ADD2: variants seen among roughly 807,000 people sequenced by gnomAD.
The protein encoded by ADD2 is adducin 2.
ADD2 carries 23 observed loss-of-function variants against 83.0 expected under a neutral mutation model. The ratio of observed to expected loss-of-function variants is 0.28; its 90% CI spans 0.20 to 0.39. The LOEUF is 0.39. ADD2 is among the 10% of genes least tolerant of loss of function. The pLI, the probability that ADD2 is intolerant of heterozygous loss-of-function variation, is 1.00. For synonymous variants in ADD2, 375 were observed against 375.4 expected (o/e 1.00, Z 0.01); for missense variants, 758 against 944.9 (o/e 0.80, Z 2.59).
intron 1 of ADD2, among the ~76,000 whole-genome samples, chr2:70,748,761 T>C (rs1019711896): frequency 1.3e-5 from 2 of 152,234 alleles, no homozygotes; most frequent in African/African-American, 2.4e-5. Context: ...ATGTGGCAGC[T>C]ATATGTCCAA....
Position 70,768,029 on chromosome 2 carries a change from C to A in ADD2, c.-297G>T. On this transcript the variant is annotated 5_prime_UTR_variant, in exon 1 of 16. Transcript: ENST00000264436. Reference sequence around the variant, plus strand: ...TTTTCTGCCCATGCTGCAGCCCGCGCTCGTCAGAGCTGCTGGGAGATCCCC... The same window carrying A: ...TTTTCTGCCCATGCTGCAGCCCGCGATCGTCAGAGCTGCTGGGAGATCCCC... 6.7e-7 allele frequency: 1 copy of A among 1,483,118 alleles called. No homozygotes were observed. Among genetic ancestry groups the A allele is most frequent in the South Asian group, 1.3e-5 (1 of 77,934 alleles). The allele number at this position is 1,483,118 out of a possible 1,614,324, so 91.9% of individuals were successfully genotyped here. A position where few individuals can be genotyped will look rare whatever the true frequency, so the allele number is the denominator to read the frequency against.
chr2:70,757,157 T>A (rs1553383996), intron 1 of ADD2, among the ~76,000 whole-genome samples: 1 of 152,036 alleles, frequency 6.6e-6, no homozygotes, highest in Non-Finnish European at 1.5e-5. Flanking sequence ...TGGCAGAAAG[T>A]CACTAGACAA....
chr2:70,767,553 G>C, intron 1 of ADD2: 2 of 986,118 alleles, frequency 2.0e-6, no homozygotes, highest in Non-Finnish European at 2.6e-6. Context: ...CGCCCGGCTA[G>C]GCGAGGCGAG....
At chr2:70,664,829 G>T (rs1675703416) in intron 15 of ADD2, among the ~76,000 whole-genome samples, 1 of 151,114 alleles carries the variant, frequency 6.6e-6, no homozygotes, top group South Asian at 2.1e-4. Context: ...AAGTGAGATT[G>T]TTTGCCATGA....
intron 1 of ADD2, among the ~76,000 whole-genome samples, chr2:70,742,649 T>G (rs1673976409): frequency 6.6e-6 from 1 of 152,128 alleles, no homozygotes; most frequent in Non-Finnish European, 1.5e-5. Context: ...GTGAATGAAA[T>G]AAGAGGAATG....
chr2:70,739,604 C>G (rs536695443), intron 1 of ADD2, among the ~76,000 whole-genome samples: 2 of 152,286 alleles, frequency 1.3e-5, no homozygotes, highest in East Asian at 3.9e-4. Context: ...CAGCACTTTT[C>G]ACAATAGCAA....
At chr2:70,680,547 C>G (rs1670405048) in intron 10 of ADD2, among the ~76,000 whole-genome samples, 1 of 152,124 alleles carries the variant, frequency 6.6e-6, no homozygotes, top group African/African-American at 2.4e-5. Context: ...CATACCTTCC[C>G]CCATTTTTGA....
chr2:70,670,778 C>T (rs1669862647), intron 15 of ADD2, among the ~76,000 whole-genome samples: 1 of 152,158 alleles, frequency 6.6e-6, no homozygotes, highest in Non-Finnish European at 1.5e-5. Flanking sequence ...GCAGCCTGGC[C>T]AAGGCTTCAC....
intron 13 of ADD2, chr2:70,675,376 G>A (rs1441890890): frequency 1.0e-6 from 1 of 985,698 alleles, no homozygotes; most frequent in Non-Finnish European, 1.2e-6. Flanking sequence ...GTGACAAAGG[G>A]GCCAAGGTTC....
intron 2 of ADD2, among the ~76,000 whole-genome samples, chr2:70,709,158 C>T (rs1553375045): frequency 6.6e-6 from 1 of 152,132 alleles, no homozygotes; most frequent in African/African-American, 2.4e-5. Context: ...CAAACCAGGA[C>T]CTATGATCTT....
intron 4 of ADD2, 58 bp downstream of exon 4, chr2:70,704,263 T>TGCGCCCCCCCCCCCCCC: frequency 1.1e-6 from 1 of 913,238 alleles, no homozygotes; most frequent in East Asian, 2.9e-5. Flanking sequence ...CTCCCTCTCT[T>TGCGCCCCCCCCCCCCCC]CCCCACCCCA....
chr2:70,690,378 T>G (rs571977311), intron 8 of ADD2, among the ~76,000 whole-genome samples: 138 of 152,340 alleles, frequency 9.1e-4, no homozygotes, highest in African/African-American at 2.9e-3. Flanking sequence ...ATTACGGGCA[T>G]GAGCCCTGCA....
intron 12 of ADD2, 116 bp downstream of exon 12, chr2:70,677,642 G>A: frequency 7.5e-7 from 1 of 1,338,904 alleles, no homozygotes; most frequent in Non-Finnish European, 1.0e-6. Context: ...TCTCTCCTGT[G>A]AGGCATGTGA....
At position 70,662,366 on chromosome 2, in the gene ADD2, A is replaced by G. The variant is rs17698193; in HGVS notation, c.*1059T>C. ...CTGATTCTCCTCTGCTGGACAAAGAATGACTGAGTTGGAACCTCAGAGGGT... is the reference window on the plus strand; with the variant it reads ...CTGATTCTCCTCTGCTGGACAAAGAGTGACTGAGTTGGAACCTCAGAGGGT... On this transcript the variant is annotated 3_prime_UTR_variant, in exon 16 of 16. Transcript: ENST00000264436. 30,081 of 152,122 alleles carry G rather than the reference A, an allele frequency of 0.2. 3,082 individuals carry two copies. Among genetic ancestry groups the G allele is most frequent in the South Asian group, 0.26 (1,237 of 4,820 alleles). The allele number at this position is 152,122 out of a possible 1,614,324, so 9.4% of individuals were successfully genotyped here.
At chr2:70,705,709 C>A (rs1375185244) in intron 3 of ADD2, among the ~76,000 whole-genome samples, 1 of 152,202 alleles carries the variant, frequency 6.6e-6, no homozygotes, top group Non-Finnish European at 1.5e-5. Flanking sequence ...TTCCCACACC[C>A]CATCCCACAG....
At position 70,696,367 on chromosome 2, in the gene ADD2, G is replaced by T; in HGVS notation, c.352C>A (p.Leu118Ile). 2 of 1,614,184 alleles carry T rather than the reference G, an allele frequency of 1.2e-6. No individual in the cohort carries two copies. The highest frequency in any genetic ancestry group is 1.7e-6 in the Non-Finnish European group (2 of 1,180,034). The change falls in exon 5 of 16, where the codon CTC (leucine) becomes ATC (isoleucine). Residue 118 changes from leucine (L) to isoleucine (I), a missense_variant. Leu to Ile is a conservative substitution (Grantham distance 5). Transcript: ENST00000264436. ...AGGTTCAGGGAGTCAGCTGTGTGGA[G>T]GTCATTGATAGGCGTCATCATGGAG... is the stretch of plus-strand genomic sequence containing the variant. Reference protein sequence around the residue: ...NVSMMTPINDLHTADSLNLAK... With the variant: ...NVSMMTPINDIHTADSLNLAK...
chr2:70,704,263 T>TGCCCCCCCCCCCCCCCCCCCCCCCCC, intron 4 of ADD2, 58 bp downstream of exon 4: 9 of 913,236 alleles, frequency 9.9e-6, no homozygotes, highest in Middle Eastern at 2.9e-4. Flanking sequence ...CTCCCTCTCT[T>TGCCCCCCCCCCCCCCCCCCCCCCCCC]CCCCACCCCA....
chr2:70,755,441 C>T (rs1041122246), intron 1 of ADD2, among the ~76,000 whole-genome samples: 5 of 152,212 alleles, frequency 3.3e-5, no homozygotes, highest in Non-Finnish European at 7.3e-5. Flanking sequence ...TTATCTTCTG[C>T]ATAATGGGTA....
chr2:70,676,468 CTA>C lies in ADD2; in HGVS notation c.1593+326_1593+327del. 7.7e-7 allele frequency: 1 copy of C among 1,297,090 alleles called. No homozygotes were observed. Among genetic ancestry groups the C allele is most frequent in the Non-Finnish European group, 9.8e-7 (1 of 1,020,046 alleles). 80.3% of individuals were successfully genotyped at this position (1,297,090 alleles called of 1,614,324 possible). On this transcript the variant is annotated intron_variant, in intron 13 of 15. Transcript: ENST00000264436. The surrounding 1 kb of genome is among the most constrained non-coding windows in gnomAD (Gnocchi z 4.8). ...CACCTGGGAGTCTCCAGCCCCAAGC[CTA>C]TGAGTCCCCACTTCACGGGGTAGTA...
Sources: allele counts gnomAD v4.1 joint callset (sites outside exome capture counted in the v4.1 genomes callset), GRCh38; gene constraint gnomAD v4.1.1; non-coding constraint Gnocchi (gnomAD v3.1); transcripts MANE v1.5; gene names NCBI Gene and HGNC (gene_info 2026-07-23, HGNC 2026-07-21).